The following TTLL4 variants were observed in gnomAD, a reference collection of about 807,000 sequenced individuals.
TTLL4 encodes tubulin monoglutamylase TTLL4.
In TTLL4, 85 loss-of-function variants were observed where a neutral mutation model predicts 122.7. The ratio of observed to expected loss-of-function variants is 0.69; its 90% CI spans 0.58 to 0.83. TTLL4 has a LOEUF of 0.83. TTLL4 is among the 40% of genes least tolerant of loss of function. The pLI, the probability that TTLL4 is intolerant of heterozygous loss-of-function variation, is 0.00. For missense variants in TTLL4, 1,363 were observed against 1,488.6 expected, an observed-to-expected ratio of 0.92 and a Z score of 1.39; for synonymous variants, 553 against 563.0, an observed-to-expected ratio of 0.98 and a Z score of 0.25.
intron 1 of TTLL4, among the ~76,000 whole-genome samples, chr2:218,717,226 G>T (rs992102791): frequency 2.6e-5 from 4 of 151,938 alleles, no homozygotes; most frequent in African/African-American, 9.7e-5. Context: ...GCCTCCCAAA[G>T]TGTTGGGATT....
intron 1 of TTLL4, among the ~76,000 whole-genome samples, chr2:218,721,531 T>G (rs569934974): frequency 6.6e-6 from 1 of 152,320 alleles, no homozygotes; most frequent in South Asian, 2.1e-4. Flanking sequence ...TTATAGGATA[T>G]CCAGCTGGTG....
chr2:218,718,060 A>G (rs1032300745), intron 1 of TTLL4, among the ~76,000 whole-genome samples: 4 of 152,224 alleles, frequency 2.6e-5, no homozygotes, highest in African/African-American at 7.2e-5. Context: ...AAGTGTTGGG[A>G]TTACAGGCGT....
At position 218,731,071 on chromosome 2, in the gene TTLL4, C is replaced by T. The variant is rs189235820; in HGVS notation, c.-99+3724C>T. 2.2e-3 allele frequency among the ~76,000 whole-genome samples: 336 copies of T among 151,694 alleles called. 1 individual carries two copies. The highest frequency in any genetic ancestry group is 7.7e-3 in the African/African-American group (318 of 41,332). The stretch of plus-strand genomic sequence containing the variant: ...AGGCTGCAGTGAGTTATGACTACAC[C>T]GCTGCACTCCAGCCTTGGTGACAGA... On this transcript the variant is annotated intron_variant, in intron 2 of 19. Transcript: ENST00000392102.
chr2:218,750,040 A>ATC lies in TTLL4; in HGVS notation c.2768_2769dup (p.Lys924SerfsTer5). ...CTCCAGCTCTCCACTGGATATCAGC[A>ATC]TCAAAGGCCAGATGATTCGTGACCT... On this transcript the variant is annotated frameshift_variant, in exon 15 of 20. Transcript: ENST00000392102. LOFTEE classifies it high-confidence loss of function. The ATC allele has an allele frequency of 6.2e-7, 1 of 1,614,100 alleles. No individual in the cohort carries two copies. The highest frequency in any genetic ancestry group is 8.5e-7 in the Non-Finnish European group (1 of 1,179,976).
intron 1 of TTLL4, among the ~76,000 whole-genome samples, chr2:218,715,035 A>G (rs1941819378): frequency 6.6e-6 from 1 of 152,250 alleles, no homozygotes. Flanking sequence ...GTTAACACAA[A>G]CAGCATTTCT....
intron 6 of TTLL4, 21 bp from the exon 7 acceptor site, chr2:218,745,670 C>T: frequency 1.3e-6 from 2 of 1,528,900 alleles, no homozygotes; most frequent in Non-Finnish European, 1.8e-6. Context: ...CCCATCCCCA[C>T]ACCCCTTGCA....
intron 2 of TTLL4, among the ~76,000 whole-genome samples, chr2:218,734,680 G>A (rs985430811): frequency 2.6e-5 from 4 of 152,190 alleles, no homozygotes; most frequent in Admixed American, 1.3e-4. Flanking sequence ...ACCAGCCTGA[G>A]TTTTCATTTC....
intron 1 of TTLL4, among the ~76,000 whole-genome samples, chr2:218,712,587 C>T (rs1351405621): frequency 6.6e-6 from 1 of 152,104 alleles, no homozygotes; most frequent in Non-Finnish European, 1.5e-5. Context: ...CGGGGTTTCA[C>T]CATCTTGGCC....
intron 1 of TTLL4, among the ~76,000 whole-genome samples, chr2:218,712,541 C>T (rs1941740617): frequency 6.6e-6 from 1 of 152,078 alleles, no homozygotes; most frequent in Admixed American, 6.5e-5. Flanking sequence ...CGCATGCTGC[C>T]ACGCTCGGTT....
At chr2:218,731,560 G>A (rs1942382896) in intron 2 of TTLL4, among the ~76,000 whole-genome samples, 1 of 152,158 alleles carries the variant, frequency 6.6e-6, no homozygotes, top group African/African-American at 2.4e-5. Flanking sequence ...CTTATGAAGG[G>A]GCAGAGGGGA....
intron 5 of TTLL4, among the ~76,000 whole-genome samples, 187 bp downstream of exon 5, chr2:218,740,771 G>C (rs1215645566): frequency 6.6e-6 from 1 of 152,082 alleles, no homozygotes; most frequent in African/African-American, 2.4e-5. Flanking sequence ...CTCATCTGTG[G>C]GGCTTAAAAA....
At chr2:218,750,268 C>T in intron 15 of TTLL4, 122 bp downstream of exon 15, 4 of 1,371,712 alleles carry the variant, frequency 2.9e-6, no homozygotes, top group South Asian at 1.4e-5. Context: ...CAATCTTGCC[C>T]CTACAGTCCA....
intron 12 of TTLL4, 149 bp downstream of exon 12, chr2:218,748,376 C>T (rs560479031): frequency 2.1e-5 from 27 of 1,279,776 alleles, no homozygotes; most frequent in African/African-American, 7.5e-5. Flanking sequence ...TATTTGAGGC[C>T]GGATGTGGTG....
intron 15 of TTLL4, among the ~76,000 whole-genome samples, chr2:218,750,459 G>A (rs1365483691): frequency 6.6e-6 from 1 of 152,090 alleles, no homozygotes; most frequent in African/African-American, 2.4e-5. Flanking sequence ...GAAGTTCACA[G>A]CTCTAGTGCA....
chr2:218,718,033 C>T (rs911162395), intron 1 of TTLL4, among the ~76,000 whole-genome samples: 4 of 152,254 alleles, frequency 2.6e-5, no homozygotes, highest in Admixed American at 6.5e-5. Flanking sequence ...TCGTGATCCA[C>T]CTGCCTCAGC....
chr2:218,727,568 T>C (rs1377622943), intron 2 of TTLL4, among the ~76,000 whole-genome samples: 1 of 152,038 alleles, frequency 6.6e-6, no homozygotes, highest in Non-Finnish European at 1.5e-5. Flanking sequence ...AAACCCTGTC[T>C]TTGCTAAAAA....
rs1018304321 is a variant in TTLL4, at chr2:218,751,597, T to G, written c.2874-107T>G. 28 of 1,425,780 alleles carry G rather than the reference T, an allele frequency of 2.0e-5. No homozygotes were observed. In the Admixed American group the frequency reaches 2.3e-4, roughly 12 times the overall value. 88.3% of individuals were successfully genotyped at this position (1,425,780 alleles called of 1,614,324 possible). A position where few individuals can be genotyped will look rare whatever the true frequency, so the allele number is the denominator to read the frequency against. On this transcript the variant is annotated intron_variant, in intron 15 of 19. Transcript: ENST00000392102. ...CAAGTAACCTCTGTTCATACATCTT[T>G]GTCTTCTCTCAAGAAGGGTGTCTGC... is the stretch of plus-strand genomic sequence containing the variant.
At position 218,746,237 on chromosome 2, in the gene TTLL4, G is replaced by A; in HGVS notation, c.1974+6G>A. ...CCATTCGAGAGCATCAGAAGGTAGG[G>A]GTCCTTTCTGAGGAGCTGTTTCCCT... On this transcript the variant is annotated splice_donor_region_variant and intron_variant, in intron 8 of 19. Coordinates refer to ENST00000392102, the MANE Select transcript of TTLL4 (RefSeq NM_014640.5). The A allele has an allele frequency of 1.2e-6, 2 of 1,614,020 alleles. No homozygotes were observed. The highest frequency in any genetic ancestry group is 8.5e-7 in the Non-Finnish European group (1 of 1,179,948).
rs1649810773 is a variant in TTLL4, at chr2:218,740,183, T to G, written c.1597+16T>G. The G allele has an allele frequency of 6.2e-7, 1 of 1,612,410 alleles. No individual in the cohort carries two copies. The highest frequency in any genetic ancestry group is 1.1e-5 in the South Asian group (1 of 91,002). ...GAGGAGGAGGGTGAGTAGGAAACCC[T>G]TTCACTTCCAACTAGGAGTTGGTTA... On this transcript the variant is annotated intron_variant, in intron 4 of 19. Transcript: ENST00000392102.
Sources: gnomAD v4.1 joint callset for allele counts (sites outside exome capture counted in the v4.1 genomes callset) on GRCh38, gnomAD v4.1.1 for gene constraint, MANE v1.5 for transcripts, NCBI Gene and HGNC (gene_info 2026-07-23, HGNC 2026-07-21) for gene names.